MBD5: variants seen among roughly 807,000 people sequenced by gnomAD.
The protein encoded by MBD5 is methyl-CpG binding domain protein 5.
In MBD5, 13 loss-of-function variants were observed where a neutral mutation model predicts 117.3. The observed-to-expected ratio is 0.11, with a 90% confidence interval of 0.07 to 0.18. The LOEUF (loss-of-function observed/expected upper bound fraction) is 0.18. MBD5 is among the 10% of genes least tolerant of loss of function. MBD5 has a pLI of 1.00. For synonymous variants in MBD5, 727 were observed against 766.4 expected, an observed-to-expected ratio of 0.95 and a Z score of 0.85; for missense variants, 1,879 against 2,093.8, an observed-to-expected ratio of 0.90 and a Z score of 2.00.
intron 1 of MBD5, among the ~76,000 whole-genome samples, chr2:148,136,949 A>C (rs1313803357): frequency 6.6e-6 from 1 of 151,966 alleles, no homozygotes; most frequent in Non-Finnish European, 1.5e-5. Flanking sequence ...TTTAGTAGAG[A>C]CGTGTTTTCT....
intron 3 of MBD5, among the ~76,000 whole-genome samples, chr2:148,294,850 C>G (rs1353053114): frequency 1.3e-5 from 2 of 152,120 alleles, no homozygotes; most frequent in African/African-American, 2.4e-5. Flanking sequence ...TTTTGTTTTC[C>G]TGTCAGCACT....
chr2:148,264,589 C>T (rs183031975), intron 3 of MBD5: 2 of 152,186 alleles, frequency 1.3e-5, no homozygotes, highest in Admixed American at 6.5e-5. Context: ...ACAATAGAAG[C>T]CAGCTTTGTC....
rs534965870 is a variant in MBD5, at chr2:148,021,377, C to T, written c.-1232C>T. ...CTCACCCCTCCAACTCGCCTCCCTC[C>T]CTCCACCCTCCTCCTCTTTGGCCGT... is the stretch of plus-strand genomic sequence containing the variant. On this transcript the variant is annotated 5_prime_UTR_variant, in exon 1 of 14. Transcript: ENST00000642680. The T allele has an allele frequency of 1.1e-4, 52 of 469,996 alleles. No individual in the cohort carries two copies. Among genetic ancestry groups the T allele is most frequent in the Middle Eastern group, 6.4e-4 (1 of 1,552 alleles). The allele number at this position is 469,996 out of a possible 1,614,324, so 29.1% of individuals were successfully genotyped here.
chr2:148,053,638 A>G (rs1019456785), intron 1 of MBD5, among the ~76,000 whole-genome samples: 9 of 152,102 alleles, frequency 5.9e-5, no homozygotes, highest in Non-Finnish European at 1.2e-4. Context: ...AGGAACTTAC[A>G]CCATATGCAT....
intron 2 of MBD5, among the ~76,000 whole-genome samples, chr2:148,224,834 A>T (rs1699780673): frequency 6.6e-6 from 1 of 151,754 alleles, no homozygotes; most frequent in South Asian, 2.1e-4. Flanking sequence ...TGTCTCTCTT[A>T]TAGTTTTTGA....
In MBD5 at chr2:148,502,470, G is replaced by A. The variant is rs1681904149; in HGVS notation, c.4997G>A (p.Gly1666Asp). 1 of 1,614,192 alleles carries A rather than the reference G, an allele frequency of 6.2e-7. No homozygotes were observed. The highest frequency in any genetic ancestry group is 1.7e-5 in the Admixed American group (1 of 60,010). Residue 1666 changes from glycine (G) to aspartate (D), a missense_variant, in exon 12 of 14, where the codon GGT (glycine) becomes GAT (aspartate). Around this residue, in one of 4 missense-constraint regions of MBD5, gnomAD observed 135 missense variants for 148.0 expected, o/e 0.91. Transcript: ENST00000642680. ...GAGAAGTTGAAGACACTAACAGAAGGTTTGGAAGCCTACAGCCGTGTCCGG... is the reference window on the plus strand; with the variant it reads ...GAGAAGTTGAAGACACTAACAGAAGATTTGGAAGCCTACAGCCGTGTCCGG... ...EPEKLKTLTE[G>D]LEAYSRVRKR...
At chr2:148,444,423 G>A (rs1319501773) in intron 4 of MBD5, among the ~76,000 whole-genome samples, 5 of 151,100 alleles carry the variant, frequency 3.3e-5, no homozygotes, top group Non-Finnish European at 5.9e-5. Flanking sequence ...CCATCAGGCA[G>A]GTATCCACAT....
chr2:148,396,648 A>G (rs945668464), intron 4 of MBD5, among the ~76,000 whole-genome samples: 1 of 152,130 alleles, frequency 6.6e-6, no homozygotes, highest in Admixed American at 6.5e-5. Context: ...CTTTATGACT[A>G]TGTCAAAGAG....
At chr2:148,362,416 T>C (rs867352521) in intron 4 of MBD5, among the ~76,000 whole-genome samples, 1 of 152,154 alleles carries the variant, frequency 6.6e-6, no homozygotes, top group African/African-American at 2.4e-5. Flanking sequence ...AAAGCCACTG[T>C]AGCCAGACTG....
intron 4 of MBD5, among the ~76,000 whole-genome samples, chr2:148,391,615 A>G (rs557016211): frequency 6.6e-6 from 1 of 152,300 alleles, no homozygotes; most frequent in East Asian, 1.9e-4. Context: ...TCAGCAGACA[A>G]CATTCCTCTC....
intron 2 of MBD5, chr2:148,196,131 A>G (rs976256431): frequency 6.6e-6 from 1 of 152,086 alleles, no homozygotes; most frequent in Admixed American, 6.6e-5. Context: ...CCTTTCTCCT[A>G]TGTTGAAACT....
chr2:148,474,308 C>T (rs1169978735), intron 8 of MBD5, among the ~76,000 whole-genome samples: 1 of 152,170 alleles, frequency 6.6e-6, no homozygotes, highest in Non-Finnish European at 1.5e-5. Flanking sequence ...TAACCCAAGC[C>T]TCTGCAGAGG....
At chr2:148,319,446 G>C (rs1308735692) in intron 3 of MBD5, among the ~76,000 whole-genome samples, 3 of 152,004 alleles carry the variant, frequency 2.0e-5, no homozygotes, top group African/African-American at 7.2e-5. Context: ...GTGTTTTGTA[G>C]TTCTGTTTAT....
chr2:148,145,689 T>C, intron 1 of MBD5, among the ~76,000 whole-genome samples: 1 of 152,250 alleles, frequency 6.6e-6, no homozygotes, highest in South Asian at 2.1e-4. Context: ...AAGCCTTTTC[T>C]GCATGTATTG....
At chr2:148,485,163 A>T (rs186873218) in intron 9 of MBD5, 1 of 152,466 alleles carries the variant, frequency 6.6e-6, no homozygotes, top group East Asian at 1.9e-4. Flanking sequence ...TTGAATGATT[A>T]TGACAATGAA....
chr2:148,209,217 ATTAC>A (rs1326390668), intron 2 of MBD5, among the ~76,000 whole-genome samples: 2 of 152,162 alleles, frequency 1.3e-5, no homozygotes, highest in Non-Finnish European at 2.9e-5. Flanking sequence ...AGTTTTGTGT[ATTAC>A]TTAGTACTCT....
intron 1 of MBD5, among the ~76,000 whole-genome samples, chr2:148,089,265 C>A (rs116482293): frequency 6.6e-6 from 1 of 152,130 alleles, no homozygotes; most frequent in African/African-American, 2.4e-5. Context: ...GGGGGGACTT[C>A]AGTACTCCAC....
At chr2:148,273,612 A>G (rs1427217874) in intron 3 of MBD5, among the ~76,000 whole-genome samples, 1 of 152,054 alleles carries the variant, frequency 6.6e-6, no homozygotes, top group Non-Finnish European at 1.5e-5. Flanking sequence ...CTGTGATTTC[A>G]TCCCCAACCC....
chr2:148,509,111 C>T (rs1392632861), intron 12 of MBD5, among the ~76,000 whole-genome samples: 1 of 152,172 alleles, frequency 6.6e-6, no homozygotes, highest in Admixed American at 6.5e-5. Context: ...TCATGGAAAC[C>T]CATGCTAACC....
Sources: allele counts gnomAD v4.1 joint callset (sites outside exome capture counted in the v4.1 genomes callset), GRCh38; gene constraint gnomAD v4.1.1; regional missense constraint gnomAD v4.1.1; transcripts MANE v1.5; gene names NCBI Gene and HGNC (gene_info 2026-07-23, HGNC 2026-07-21).